The following SOAT1 variants were observed in gnomAD, a reference collection of about 807,000 sequenced individuals.
SOAT1 encodes sterol O-acyltransferase 1.
Under a neutral mutation model 69.5 loss-of-function variants are expected in SOAT1, and 55 were observed. That is an observed-to-expected ratio of 0.79 (90% CI 0.64 to 0.99). The LOEUF is 0.99. Among genes scored for constraint, SOAT1 ranks in the 50% least tolerant of loss-of-function variants. The pLI is 0.00. For synonymous variants in SOAT1, 231 were observed against 224.7 expected, an observed-to-expected ratio of 1.03 and a Z score of -0.25; for missense variants, 580 against 669.3, an observed-to-expected ratio of 0.87 and a Z score of 1.47.
intron 2 of SOAT1, among the ~76,000 whole-genome samples, chr1:179,318,704 A>C (rs1281496692): frequency 6.6e-6 from 1 of 152,224 alleles, no homozygotes. Flanking sequence ...TCATGTAAAT[A>C]GGATCATACG....
At chr1:179,340,050 A>C (rs1403779994) in intron 6 of SOAT1, among the ~76,000 whole-genome samples, 1 of 152,214 alleles carries the variant, frequency 6.6e-6, no homozygotes, top group Non-Finnish European at 1.5e-5. Context: ...GTGTCTGCAC[A>C]GTTTCCTGGA....
chr1:179,339,492 C>T lies in SOAT1; in HGVS notation c.444C>T (p.Leu148=), dbSNP rs1204738691. The T allele has an allele frequency of 1.2e-6, 2 of 1,613,090 alleles. No homozygotes were observed. The highest frequency in any genetic ancestry group is 2.7e-5 in the African/African-American group (2 of 74,856). The stretch of plus-strand genomic sequence containing the variant: ...CAATATATCACATGTTTATTGCCCT[C>T]CTCATTCTCTTTATCCTCAGCACAC... ...IRTIYHMFIA[L]LILFILSTLV... The change falls in exon 6 of 16, where the codon CTC becomes CTT. Residue 148 remains leucine (L), a synonymous_variant. Transcript: ENST00000367619.
At position 179,357,202 on chromosome 1, in the gene SOAT1, ATGTTT is replaced by A. The variant is rs1225462347; in HGVS notation, c.*3567_*3571del. 1.9e-5 allele frequency: 3 copies of A among 160,242 alleles called. No homozygotes were observed. Among genetic ancestry groups the A allele is most frequent in the Non-Finnish European group, 4.0e-5 (3 of 74,636 alleles). The allele number at this position is 160,242 out of a possible 1,614,324, so 9.9% of individuals were successfully genotyped here. A position where few individuals can be genotyped will look rare whatever the true frequency, so the allele number is the denominator to read the frequency against. ...ATAAATGTTTCAAGGAATAAAGTGA[ATGTTT>A]TGTTTGTTTGTTTGTTTTGAGACGG... On this transcript the variant is annotated 3_prime_UTR_variant, in exon 16 of 16. Coordinates refer to ENST00000367619, the MANE Select transcript of SOAT1 (RefSeq NM_003101.6).
intron 12 of SOAT1, 56 bp from the exon 13 acceptor site, chr1:179,348,760 ATGTGTGTGTGTGTGTGTGTGTGTGTGTG>A (rs71111912): frequency 0.047 from 27,171 of 576,534 alleles, 118 homozygotes; most frequent in East Asian, 0.065. Context: ...TTCGGGTGGG[ATGTGTGTGTGTGTGTGTGTGTGTGTGTG>A]TGTGTGTGTG....
At chr1:179,351,806 G>C (rs1457964970) in intron 15 of SOAT1, among the ~76,000 whole-genome samples, 3 of 137,736 alleles carry the variant, frequency 2.2e-5, no homozygotes, top group Non-Finnish European at 4.5e-5. Context: ...TGCAACCTCT[G>C]CCTCCCGGAT....
chr1:179,308,743 A>G (rs1035478130), intron 2 of SOAT1, among the ~76,000 whole-genome samples: 1 of 151,822 alleles, frequency 6.6e-6, no homozygotes, highest in African/African-American at 2.4e-5. Flanking sequence ...TTTTACATTT[A>G]AAGTAATATA....
rs539366731 is a variant in SOAT1, at chr1:179,311,396, G to C, written c.118+8594G>C. Among the ~76,000 whole-genome samples the C allele has an allele frequency of 1.2e-3, 158 of 131,024 alleles. 2 individuals carry two copies. The highest frequency in any genetic ancestry group is 4.0e-3 in the African/African-American group (154 of 38,232). The allele number at this position is 131,024 out of a possible 152,430, so 86.0% of individuals were successfully genotyped here. ...TTGTAACAAGTTTAACAAGGATGCG[G>C]ATTTAGAAATTTGGAGGCCATAATG... is the stretch of plus-strand genomic sequence containing the variant. On this transcript the variant is annotated intron_variant, in intron 2 of 15. Coordinates refer to ENST00000367619, the MANE Select transcript of SOAT1 (RefSeq NM_003101.6).
chr1:179,349,020 G>T, intron 13 of SOAT1, 78 bp downstream of exon 13: 2 of 803,362 alleles, frequency 2.5e-6, no homozygotes, highest in South Asian at 2.9e-5. Flanking sequence ...TATACAGCTG[G>T]AAGAAGTTAT....
rs541966404 is a variant in SOAT1, at chr1:179,313,265, CG to C, written c.119-10170del. On this transcript the variant is annotated intron_variant, in intron 2 of 15. Coordinates refer to ENST00000367619, the MANE Select transcript of SOAT1 (RefSeq NM_003101.6). Reference sequence around the variant, plus strand: ...TAGTTGCAGACTATACTGCCCATTACGGAAAAAGCTTTCTGACTCTTGATCT... The same window carrying C: ...TAGTTGCAGACTATACTGCCCATTACGAAAAAGCTTTCTGACTCTTGATCT... Among the ~76,000 whole-genome samples the C allele has an allele frequency of 3.1e-3, 469 of 152,226 alleles. 2 individuals are homozygous for C. The highest frequency in any genetic ancestry group is 0.011 in the African/African-American group (444 of 41,530).
chr1:179,302,621 T>C (rs762893361), intron 1 of SOAT1, 56 bp from the exon 2 acceptor site: 3 of 1,013,102 alleles, frequency 3.0e-6, no homozygotes, highest in Non-Finnish European at 2.9e-6. Flanking sequence ...TCTCAGGTAG[T>C]GTATAGCAGT....
At chr1:179,299,920 ATTT>A (rs11371492) in intron 1 of SOAT1, among the ~76,000 whole-genome samples, 1 of 138,528 alleles carries the variant, frequency 7.2e-6, no homozygotes, top group Non-Finnish European at 1.6e-5. Flanking sequence ...TGCCCAGCTA[ATTT>A]TTTTTTTTTT....
At chr1:179,304,069 G>C (rs987889627) in intron 2 of SOAT1, among the ~76,000 whole-genome samples, 3 of 152,170 alleles carry the variant, frequency 2.0e-5, no homozygotes, top group African/African-American at 7.2e-5. Flanking sequence ...TTTTAGTGCA[G>C]GTGTTAAAAA....
chr1:179,348,074 A>C (rs906457288), intron 12 of SOAT1, among the ~76,000 whole-genome samples: 3 of 152,326 alleles, frequency 2.0e-5, no homozygotes, highest in South Asian at 2.1e-4. Flanking sequence ...ATTCCATTTA[A>C]GACAATTGAG....
chr1:179,345,054 TG>T lies in SOAT1; in HGVS notation c.1096del (p.Val366TyrfsTer10), dbSNP rs1179323500. The T allele has an allele frequency of 6.2e-7, 1 of 1,614,118 alleles. No homozygotes were observed. Among genetic ancestry groups the T allele is most frequent in the Non-Finnish European group, 8.5e-7 (1 of 1,179,982 alleles). ...PFSARVLVLC[V>X]FNSILPGVLI... ...TCAGCGCTCGTGTTCTGGTCCTATGTGTATTTAACTCCATCTTGCCAGGTAA... is the reference window on the plus strand; with the variant it reads ...TCAGCGCTCGTGTTCTGGTCCTATGTTATTTAACTCCATCTTGCCAGGTAA... On this transcript the variant is annotated frameshift_variant, in exon 11 of 16. Coordinates refer to ENST00000367619, the MANE Select transcript of SOAT1 (RefSeq NM_003101.6). LOFTEE classifies it high-confidence loss of function.
rs778858683 is a variant in SOAT1 at position 179,342,121 on chromosome 1, T to C, written c.788T>C (p.Phe263Ser). 1.2e-6 allele frequency: 2 copies of C among 1,613,816 alleles called. No homozygotes were observed. Among genetic ancestry groups the C allele is most frequent in the East Asian group, 4.5e-5 (2 of 44,854 alleles). ...RFIIIFEQIR[F>S]VMKAHSFVRE... ...TTCCTCCTGCTTTTGTAGATTCGTT[T>C]TGTAATGAAGGCCCACTCATTTGTC... The change falls in exon 8 of 16, where the codon TTT (phenylalanine) becomes TCT (serine). Residue 263 changes from phenylalanine to serine, a missense_variant. Coordinates refer to ENST00000367619, the MANE Select transcript of SOAT1 (RefSeq NM_003101.6).
At chr1:179,296,989 G>T (rs1664671602) in intron 1 of SOAT1, among the ~76,000 whole-genome samples, 1 of 152,112 alleles carries the variant, frequency 6.6e-6, no homozygotes. Context: ...TGTATAAATA[G>T]CTGTCTACTT....
intron 2 of SOAT1, among the ~76,000 whole-genome samples, chr1:179,314,426 T>C (rs1254181016): frequency 6.6e-6 from 1 of 152,186 alleles, no homozygotes; most frequent in African/African-American, 2.4e-5. Flanking sequence ...GAGAACCCTG[T>C]GGAAGCAGCC....
intron 1 of SOAT1, among the ~76,000 whole-genome samples, chr1:179,298,894 G>A (rs764235666): frequency 6.6e-6 from 1 of 152,112 alleles, no homozygotes; most frequent in Non-Finnish European, 1.5e-5. Flanking sequence ...TCATAAGTTG[G>A]GGACTGTCTT....
At chr1:179,347,915 A>G (rs1666591548) in intron 12 of SOAT1, among the ~76,000 whole-genome samples, 1 of 152,228 alleles carries the variant, frequency 6.6e-6, no homozygotes, top group South Asian at 2.1e-4. Flanking sequence ...CTCCCTTAAC[A>G]TAAGCACATG....
Sources: gnomAD v4.1 joint callset for allele counts (sites outside exome capture counted in the v4.1 genomes callset) on GRCh38, gnomAD v4.1.1 for gene constraint, MANE v1.5 for transcripts, NCBI Gene and HGNC (gene_info 2026-07-23, HGNC 2026-07-21) for gene names.